Variants in DCDC1 observed in about 807,000 individuals in gnomAD.
DCDC1 encodes doublecortin domain-containing protein 1.
DCDC1 carries 200 observed loss-of-function variants against 178.3 expected under a neutral mutation model. The observed-to-expected ratio is 1.12, with a 90% CI of 1.00 to 1.26. DCDC1 has a LOEUF of 1.26. Ranked by LOEUF, DCDC1 falls within the 50% of genes most tolerant of loss-of-function variation. DCDC1 has a pLI of 0.00. For missense variants in DCDC1, 1,983 were observed against 1,749.2 expected, an observed-to-expected ratio of 1.13 and a Z score of -2.38; for synonymous variants, 690 against 604.8, an observed-to-expected ratio of 1.14 and a Z score of -2.07.
At chr11:31,138,439 A>G (rs1178919482) in intron 9 of DCDC1, among the ~76,000 whole-genome samples, 4 of 152,200 alleles carry the variant, frequency 2.6e-5, no homozygotes, top group African/African-American at 7.2e-5. Context: ...TAAACATGCA[A>G]TTGTTATGTT....
intron 15 of DCDC1, 95 bp downstream of exon 15, chr11:31,102,078 GAAAA>G: frequency 2.6e-5 from 10 of 383,654 alleles, no homozygotes; most frequent in South Asian, 2.1e-4. Flanking sequence ...CTCCATCTCA[GAAAA>G]AAAAAAAAAA....
At chr11:31,231,094 G>C (rs1415331909) in intron 9 of DCDC1, among the ~76,000 whole-genome samples, 1 of 151,860 alleles carries the variant, frequency 6.6e-6, no homozygotes, top group Admixed American at 6.6e-5. Context: ...CAAATAGCTG[G>C]TACCACAAGC....
chr11:30,939,165 C>G lies in DCDC1; in HGVS notation c.2716-7213G>C, dbSNP rs1947475720. Among the ~76,000 whole-genome samples the G allele has an allele frequency of 2.0e-5, 3 of 152,276 alleles. No homozygotes were observed. In the South Asian group the frequency reaches 6.2e-4, roughly 32 times the overall value. On this transcript the variant is annotated intron_variant, in intron 21 of 38. Coordinates refer to ENST00000684477, the MANE Select transcript of DCDC1 (RefSeq NM_001387274.1). ...TATCTTGGCTCATGCACGAGGTTGCCTGGTTGCCGCAGGGCTTGCTTTTCT... is the reference window on the plus strand; with the variant it reads ...TATCTTGGCTCATGCACGAGGTTGCGTGGTTGCCGCAGGGCTTGCTTTTCT...
intron 20 of DCDC1, among the ~76,000 whole-genome samples, chr11:31,008,774 T>C (rs1370121213): frequency 6.6e-6 from 1 of 152,204 alleles, no homozygotes; most frequent in Non-Finnish European, 1.5e-5. Flanking sequence ...TGTCTTTATA[T>C]GCAAGACTGA....
At chr11:31,203,030 T>C (rs1971469159) in intron 9 of DCDC1, among the ~76,000 whole-genome samples, 1 of 151,996 alleles carries the variant, frequency 6.6e-6, no homozygotes, top group Non-Finnish European at 1.5e-5. Context: ...ATTAAATAAC[T>C]GCTGGACAGT....
At chr11:31,018,440 T>G (rs1489077704) in intron 20 of DCDC1, among the ~76,000 whole-genome samples, 6 of 152,328 alleles carry the variant, frequency 3.9e-5, no homozygotes, top group Admixed American at 6.5e-5. Flanking sequence ...CAGTGAACAT[T>G]ACTAAGCTCC....
At chr11:30,926,815 G>A (rs935421385) in intron 22 of DCDC1, among the ~76,000 whole-genome samples, 1 of 152,104 alleles carries the variant, frequency 6.6e-6, no homozygotes, top group Non-Finnish European at 1.5e-5. Flanking sequence ...AAATAAAACA[G>A]GCTGGGTATG....
At chr11:31,040,150 G>A (rs1159819431) in intron 20 of DCDC1, among the ~76,000 whole-genome samples, 2 of 151,912 alleles carry the variant, frequency 1.3e-5, no homozygotes, top group African/African-American at 4.8e-5. Flanking sequence ...TAAAATACAG[G>A]ACTGTAAAAA....
At chr11:31,305,907 A>G (rs1202521740) in intron 5 of DCDC1, 130 bp from the exon 6 acceptor site, 1 of 1,091,610 alleles carries the variant, frequency 9.2e-7, no homozygotes, top group African/African-American at 1.6e-5. Flanking sequence ...GTTATTTTCT[A>G]GCAGTTGAAA....
In DCDC1 at chr11:31,110,938, G is replaced by T. The variant is rs1035734686; in HGVS notation, c.1486-577C>A. 5.3e-5 allele frequency among the ~76,000 whole-genome samples: 8 copies of T among 151,592 alleles called. No individual in the cohort carries two copies. In the South Asian group the frequency reaches 1.7e-3, roughly 32 times the overall value. Reference sequence around the variant, plus strand: ...TATCCAAAAAGTTGTTGAGAACAGAGATAAAATTCATAACATTGCATTATG... The same window carrying T: ...TATCCAAAAAGTTGTTGAGAACAGATATAAAATTCATAACATTGCATTATG... On this transcript the variant is annotated intron_variant, in intron 11 of 38. Transcript: ENST00000684477.
chr11:31,157,885 G>A (rs1242116652), intron 9 of DCDC1, among the ~76,000 whole-genome samples: 5 of 152,096 alleles, frequency 3.3e-5, no homozygotes, highest in African/African-American at 1.2e-4. Context: ...TATAACATAT[G>A]TTAAGAAAAA....
intron 7 of DCDC1, among the ~76,000 whole-genome samples, chr11:31,277,546 T>C (rs1211251063): frequency 1.3e-5 from 2 of 152,146 alleles, no homozygotes; most frequent in African/African-American, 4.8e-5. Flanking sequence ...CAGCTAAATA[T>C]AAGATTTGCT....
At chr11:30,987,510 C>T (rs1408343780) in intron 20 of DCDC1, among the ~76,000 whole-genome samples, 1 of 152,062 alleles carries the variant, frequency 6.6e-6, no homozygotes, top group Non-Finnish European at 1.5e-5. Context: ...ATAGCATCAT[C>T]CAGAGTTAAA....
chr11:31,266,917 T>G (rs1487222034), intron 7 of DCDC1, among the ~76,000 whole-genome samples: 1 of 152,254 alleles, frequency 6.6e-6, no homozygotes, highest in Non-Finnish European at 1.5e-5. Flanking sequence ...GGTTGAATTT[T>G]AAAGGCAAAT....
At chr11:31,307,592 A>G (rs1463916645) in intron 4 of DCDC1, 47 bp downstream of exon 4, 1 of 1,598,358 alleles carries the variant, frequency 6.3e-7, no homozygotes, top group Admixed American at 1.7e-5. Flanking sequence ...CTCAAAGGAA[A>G]GAACTTCAAC....
At chr11:31,330,010 C>G (rs968449541) in intron 2 of DCDC1, among the ~76,000 whole-genome samples, 3 of 152,148 alleles carry the variant, frequency 2.0e-5, no homozygotes, top group African/African-American at 7.2e-5. Context: ...GTTTACACTC[C>G]CACCAGCAGT....
At chr11:30,890,662 C>G (rs1438359832) in intron 36 of DCDC1, among the ~76,000 whole-genome samples, 1 of 152,122 alleles carries the variant, frequency 6.6e-6, no homozygotes, top group Non-Finnish European at 1.5e-5. Context: ...GGAAAACATG[C>G]AAGAAAGAAA....
intron 20 of DCDC1, among the ~76,000 whole-genome samples, chr11:30,981,273 C>T (rs1048800940): frequency 6.6e-6 from 1 of 152,056 alleles, no homozygotes; most frequent in African/African-American, 2.4e-5. Context: ...CACACTAGAA[C>T]CCCAAATCTC....
At chr11:30,893,337 C>A (rs1042858770) in intron 35 of DCDC1, among the ~76,000 whole-genome samples, 4 of 152,198 alleles carry the variant, frequency 2.6e-5, no homozygotes, top group Non-Finnish European at 5.9e-5. Flanking sequence ...GATTTCTCTG[C>A]ATCTAACAAA....
Sources: gnomAD v4.1 joint callset for allele counts (sites outside exome capture counted in the v4.1 genomes callset) on GRCh38, gnomAD v4.1.1 for gene constraint, MANE v1.5 for transcripts, NCBI Gene and HGNC (gene_info 2026-07-23, HGNC 2026-07-21) for gene names.